PKD1: variants seen among roughly 807,000 people sequenced by gnomAD.
PKD1 encodes polycystin 1, transient receptor potential channel interacting, also known as polycystin-1.
Under a neutral mutation model 361.7 loss-of-function variants are expected in PKD1, and 81 were observed. The observed-to-expected ratio is 0.22, with a 90% CI of 0.19 to 0.27. PKD1 has a LOEUF of 0.27. PKD1 is among the 10% of genes least tolerant of loss of function. The pLI is 1.00. For missense variants in PKD1, 6,399 were observed against 6,118.3 expected (o/e 1.05, Z -1.53); for synonymous variants, 3,615 against 2,818.3 (o/e 1.28, Z -8.95).
rs777330990 is a variant in PKD1 at position 2,117,692 on chromosome 16, A to C, written c.1202-20T>G. ...GCACCGCTGGAGACCGGTGGGAACG[A>C]GGGTGTCAACGGTCAGTGTGGGCCC... On this transcript the variant is annotated intron_variant, in intron 5 of 45. Transcript: ENST00000262304. 8.8e-6 allele frequency: 14 copies of C among 1,586,022 alleles called. 1 individual carries two copies. Among genetic ancestry groups the C allele is most frequent in the Non-Finnish European group, 1.2e-5 (14 of 1,158,100 alleles).
rs1384143810 is a variant in PKD1, at chr16:2,090,446, G to A, written c.12283C>T (p.Leu4095=). 1.2e-6 allele frequency: 2 copies of A among 1,612,342 alleles called. No homozygotes were observed. Among genetic ancestry groups the A allele is most frequent in the Non-Finnish European group, 1.7e-6 (2 of 1,179,840 alleles). The change falls in exon 45 of 46, where the codon CTG becomes TTG. Residue 4095 remains leucine, a synonymous_variant. Coordinates refer to ENST00000262304, the MANE Select transcript of PKD1 (RefSeq NM_001009944.3). ...GCCCCCAGCCGTAGGGCGCCCCACA[G>A]CCGCAGTGCCCAGAGCCCCACACAC... is the stretch of plus-strand genomic sequence containing the variant. ...LLCVGLWALR[L]WGALRLGAVI... is the part of the protein sequence containing the mutation.
rs2855362 is a variant in PKD1 at position 2,093,246 on chromosome 16, G to A, written c.11017-153C>T. 12 of 893,372 alleles carry A rather than the reference G, an allele frequency of 1.3e-5. No homozygotes were observed. The East Asian group carries it at 2.3e-4, about 17-fold the overall frequency. The allele number at this position is 893,372 out of a possible 1,614,324, so 55.3% of individuals were successfully genotyped here. A position where few individuals can be genotyped will look rare whatever the true frequency, so the allele number is the denominator to read the frequency against. Reference sequence around the variant, plus strand: ...CAAGACTCTACCTGGCCAGGGTAATGGCAGCACACACCCTGCCCGGAACCC... The same window carrying A: ...CAAGACTCTACCTGGCCAGGGTAATAGCAGCACACACCCTGCCCGGAACCC... On this transcript the variant is annotated intron_variant, in intron 37 of 45. Coordinates refer to ENST00000262304, the MANE Select transcript of PKD1 (RefSeq NM_001009944.3).
Position 2,094,076 on chromosome 16 carries a change from G to A in PKD1, c.10618+16C>T, listed in dbSNP as rs1023289303. On this transcript the variant is annotated intron_variant, in intron 35 of 45. Coordinates refer to ENST00000262304, the MANE Select transcript of PKD1 (RefSeq NM_001009944.3). ...CAGGGAGGGGCTAGGGGCATCCCGG[G>A]GCTACGCAAGCACACCTGTCCTGGA... 1.9e-6 allele frequency: 3 copies of A among 1,584,618 alleles called. No homozygotes were observed. Among genetic ancestry groups the A allele is most frequent in the Non-Finnish European group, 2.6e-6 (3 of 1,162,174 alleles).
Position 2,091,561 on chromosome 16 carries a change from G to A in PKD1, c.11574C>T (p.Ser3858=), listed in dbSNP as rs777253627. ...RAVFLELTRY[S]PAVGLHAAVT... is the part of the protein sequence containing the mutation. ...CGGCGGCGTGCAGCCCCACGGCCGGGCTGTAGCGCGTGAGCTCCAGGAACA... is the reference window on the plus strand; with the variant it reads ...CGGCGGCGTGCAGCCCCACGGCCGGACTGTAGCGCGTGAGCTCCAGGAACA... Residue 3858 remains serine (S), a synonymous_variant, in exon 42 of 46, where the codon AGC becomes AGT. Transcript: ENST00000262304. 1.3e-5 allele frequency: 20 copies of A among 1,542,704 alleles called. No individual in the cohort carries two copies. Among genetic ancestry groups the A allele is most frequent in the South Asian group, 2.4e-5 (2 of 83,354 alleles).
chr16:2,131,884 T>C (rs1279548226), intron 1 of PKD1: 11 of 152,306 alleles, frequency 7.2e-5, no homozygotes, highest in African/African-American at 2.4e-4. Flanking sequence ...TCACAACGAA[T>C]TGATCACAGC....
chr16:2,089,833 G>A lies in PKD1; in HGVS notation c.12806C>T (p.Ala4269Val), dbSNP rs1394202533. 1 of 1,604,200 alleles carries A rather than the reference G, an allele frequency of 6.2e-7. No individual in the cohort carries two copies. The highest frequency in any genetic ancestry group is 1.3e-5 in the African/African-American group (1 of 74,840). ...GGCCCGGGCAAGGCGGCTGGGCAGT[G>A]CTGGCCGCAGGCCCGGGGATGGGCC... ...SRGPSPGLRP[A>V]LPSRLARASR... Residue 4269 changes from alanine to valine, a missense_variant, in exon 46 of 46, where the codon GCA becomes GTA. Physicochemically the swap from Ala to Val is moderately conservative, Grantham distance 64. Coordinates refer to ENST00000262304, the MANE Select transcript of PKD1 (RefSeq NM_001009944.3).
Position 2,089,430 on chromosome 16 carries a change from C to T in PKD1, c.*297G>A, listed in dbSNP as rs181814805. ...GGGACATCTGCCCAGGGGGTGGGGC[C>T]GGGCACAGCCCGCTGTACCTGAGGA... is the stretch of plus-strand genomic sequence containing the variant. On this transcript the variant is annotated 3_prime_UTR_variant, in exon 46 of 46. Transcript: ENST00000262304. 3.5e-5 allele frequency: 17 copies of T among 483,842 alleles called. No homozygotes were observed. The highest frequency in any genetic ancestry group is 1.0e-4 in the South Asian group (4 of 39,986). 30.0% of individuals were successfully genotyped at this position (483,842 alleles called of 1,614,324 possible). A position where few individuals can be genotyped will look rare whatever the true frequency, so the allele number is the denominator to read the frequency against.
At chr16:2,098,145 C>A (rs975941287) in intron 30 of PKD1, 161 bp from the exon 31 acceptor site, 2 of 612,010 alleles carry the variant, frequency 3.3e-6, no homozygotes, top group Non-Finnish European at 5.9e-6. Context: ...GTGATGGCAG[C>A]CCCTCGCGAC....
At chr16:2,092,883 C>T (rs1378502521) in intron 38 of PKD1, 71 bp downstream of exon 38, 3 of 1,565,626 alleles carry the variant, frequency 1.9e-6, no homozygotes, top group African/African-American at 1.4e-5. Flanking sequence ...TCCACATGTC[C>T]CCTAGGGTCT....
intron 34 of PKD1, 26 bp from the exon 35 acceptor site, chr16:2,094,236 T>G (rs767692562): frequency 3.5e-6 from 5 of 1,414,926 alleles, no homozygotes; most frequent in Admixed American, 1.7e-5. Context: ...GGCTGTGAAT[T>G]CATCCCGGCC....
rs570471741 is a variant in PKD1 at position 2,107,869 on chromosome 16, C to G, written c.7065+14G>C. On this transcript the variant is annotated intron_variant, in intron 16 of 45. Transcript: ENST00000262304. ...CTGTCCAAGGCAAGTGGCCGAGGGG[C>G]GGGCGGCACCCACCGTCTGGTTGGT... 301 of 1,542,278 alleles carry G rather than the reference C, an allele frequency of 2.0e-4. 5 individuals are homozygous for G. The Admixed American group carries it at 5.8e-3, about 30-fold the overall frequency.
At chr16:2,121,129 G>C (rs1170040379) in intron 1 of PKD1, among the ~76,000 whole-genome samples, 1 of 152,084 alleles carries the variant, frequency 6.6e-6, no homozygotes, top group Non-Finnish European at 1.5e-5. Context: ...ACTTTGGGAG[G>C]CTGAGGCGGG....
rs375591463 is a variant in PKD1 at position 2,103,531 on chromosome 16, G to A, written c.8526C>T (p.Tyr2842=). 6.2e-5 allele frequency: 100 copies of A among 1,607,908 alleles called. No homozygotes were observed. Among genetic ancestry groups the A allele is most frequent in the African/African-American group, 3.5e-4 (26 of 74,874 alleles). ...TCGAGGCCACCTTGGTGGAGACGGT[G>A]TAGTTGCTGATATAGCCAAAGGGAA... The part of the protein sequence containing the change: ...NPFPFGYISN[Y]TVSTKVASMA... The change falls in exon 23 of 46, where the codon TAC becomes TAT. Residue 2842 remains tyrosine (Y), a synonymous_variant. Coordinates refer to ENST00000262304, the MANE Select transcript of PKD1 (RefSeq NM_001009944.3).
At position 2,107,870 on chromosome 16, in the gene PKD1, G is replaced by A. The variant is rs767014603; in HGVS notation, c.7065+13C>T. 22 of 1,542,724 alleles carry A rather than the reference G, an allele frequency of 1.4e-5. No homozygotes were observed. Among genetic ancestry groups the A allele is most frequent in the Middle Eastern group, 2.3e-4 (1 of 4,358 alleles). On this transcript the variant is annotated intron_variant, in intron 16 of 45. Transcript: ENST00000262304. ...TGTCCAAGGCAAGTGGCCGAGGGGCGGGCGGCACCCACCGTCTGGTTGGTG... is the reference window on the plus strand; with the variant it reads ...TGTCCAAGGCAAGTGGCCGAGGGGCAGGCGGCACCCACCGTCTGGTTGGTG...
In PKD1 at chr16:2,088,732, G is replaced by C. The variant is rs2091246429; in HGVS notation, c.*995C>G. ...ATTGCAGTCAGACAGCTCTTTTATT[G>C]ACTTTGTCTGCTTGGTGCGGGGGTT... On this transcript the variant is annotated 3_prime_UTR_variant, in exon 46 of 46. Coordinates refer to ENST00000262304, the MANE Select transcript of PKD1 (RefSeq NM_001009944.3). 6.6e-6 allele frequency: 9 copies of C among 1,353,614 alleles called. No homozygotes were observed. The South Asian group carries it at 1.2e-4, about 18-fold the overall frequency. 83.9% of individuals were successfully genotyped at this position (1,353,614 alleles called of 1,614,324 possible). A position where few individuals can be genotyped will look rare whatever the true frequency, so the allele number is the denominator to read the frequency against.
intron 1 of PKD1, among the ~76,000 whole-genome samples, chr16:2,128,696 C>T (rs1463973412): frequency 1.3e-5 from 2 of 152,134 alleles, no homozygotes; most frequent in Admixed American, 6.5e-5. Context: ...GGAGAGGGTG[C>T]GGACTCTTCC....
At chr16:2,112,130 C>CG (rs904136770) in intron 14 of PKD1, among the ~76,000 whole-genome samples, 9 of 152,184 alleles carry the variant, frequency 5.9e-5, no homozygotes, top group East Asian at 1.9e-4. Flanking sequence ...CCGGGGAGGG[C>CG]GGGGGGCGCA....
chr16:2,111,355 G>A lies in PKD1; in HGVS notation c.3812C>T (p.Thr1271Ile), dbSNP rs1457509964. Reference protein sequence around the residue: ...EHVYLRAQNCTVTVGAASPAG... With the variant: ...EHVYLRAQNCIVTVGAASPAG... ...GGGGCTGGCCGCACCCACGGTCACT[G>A]TGCAGTTCTGTGCCCGCAGGTACAC... Residue 1271 changes from threonine to isoleucine, a missense_variant, in exon 15 of 46, where the codon ACA (threonine) becomes ATA (isoleucine). By Grantham distance (89) the Thr-to-Ile change is moderately conservative (BLOSUM62 -1). Coordinates refer to ENST00000262304, the MANE Select transcript of PKD1 (RefSeq NM_001009944.3). 4.3e-6 allele frequency: 7 copies of A among 1,610,352 alleles called. No homozygotes were observed. In the South Asian group the frequency reaches 5.5e-5, roughly 13 times the overall value.
rs1171598633 is a variant in PKD1, at chr16:2,110,518, C to A, written c.4649G>T (p.Gly1550Val). ...CGTGCGGCTTGCATTGACGACGAGC[C>A]CCCGCACGCGCCGCTTCACCGTCAC... Reference protein sequence around the residue: ...LNVTVKRRVRGLVVNASRTVV... With the variant: ...LNVTVKRRVRVLVVNASRTVV... The change falls in exon 15 of 46, where the codon GGG (glycine) becomes GTG (valine). Residue 1550 changes from glycine to valine, a missense_variant. Gly to Val is a moderately radical substitution (Grantham distance 109). Coordinates refer to ENST00000262304, the MANE Select transcript of PKD1 (RefSeq NM_001009944.3). The A allele has an allele frequency of 4.3e-6, 7 of 1,611,918 alleles. No homozygotes were observed. The highest frequency in any genetic ancestry group is 5.9e-6 in the Non-Finnish European group (7 of 1,179,810).
Sources: allele counts gnomAD v4.1 joint callset (sites outside exome capture counted in the v4.1 genomes callset), GRCh38; gene constraint gnomAD v4.1.1; transcripts MANE v1.5; gene names NCBI Gene and HGNC (gene_info 2026-07-23, HGNC 2026-07-21).